ADGRL2: variants seen among roughly 807,000 people sequenced by gnomAD.
The protein encoded by ADGRL2 is adhesion G protein-coupled receptor L2.
Under a neutral mutation model 157.4 loss-of-function variants are expected in ADGRL2, and 44 were observed. The ratio of observed to expected loss-of-function variants is 0.28; its 90% confidence interval spans 0.22 to 0.36. The LOEUF (loss-of-function observed/expected upper bound fraction) is 0.36. ADGRL2 is among the 10% of genes least tolerant of loss of function. The pLI is 1.00. For synonymous variants in ADGRL2, 585 were observed against 624.7 expected (o/e 0.94, Z 0.95); for missense variants, 1,510 against 1,768.9 (o/e 0.85, Z 2.63).
intron 2 of ADGRL2, among the ~76,000 whole-genome samples, chr1:81,538,280 T>A (rs1202929787): frequency 6.6e-6 from 1 of 152,094 alleles, no homozygotes; most frequent in Admixed American, 6.5e-5. Flanking sequence ...ATAGTTTGGA[T>A]AGGCAGGGTT....
intron 1 of ADGRL2, among the ~76,000 whole-genome samples, chr1:81,383,662 T>TAA (rs530939816): frequency 1.2e-4 from 17 of 142,010 alleles, no homozygotes; most frequent in South Asian, 2.3e-4. Flanking sequence ...ACTACTAGTT[T>TAA]AAAAAAAAAA....
chr1:81,873,690 A>T (rs568088162), intron 2 of ADGRL2, among the ~76,000 whole-genome samples: 1 of 152,224 alleles, frequency 6.6e-6, no homozygotes, highest in South Asian at 2.1e-4. Context: ...TGGATAGTAT[A>T]TTCTATGAAT....
At chr1:81,848,926 C>T (rs189573098) in intron 2 of ADGRL2, among the ~76,000 whole-genome samples, 1 of 152,062 alleles carries the variant, frequency 6.6e-6, no homozygotes, top group African/African-American at 2.4e-5. Context: ...AGGCATGCTC[C>T]TCCTGAGCCC....
At chr1:81,748,698 C>G (rs1191987143) in intron 1 of ADGRL2, among the ~76,000 whole-genome samples, 4 of 151,598 alleles carry the variant, frequency 2.6e-5, no homozygotes, top group Non-Finnish European at 5.9e-5. Context: ...GATGAAGTCT[C>G]ACTCTGTCAC....
intron 3 of ADGRL2, among the ~76,000 whole-genome samples, chr1:81,918,410 G>T (rs1354128871): frequency 6.6e-6 from 1 of 151,930 alleles, no homozygotes; most frequent in Non-Finnish European, 1.5e-5. Context: ...ATAACATTAA[G>T]GGACATTTGG....
At chr1:81,480,936 C>CT (rs1249492835) in intron 2 of ADGRL2, among the ~76,000 whole-genome samples, 6 of 152,230 alleles carry the variant, frequency 3.9e-5, no homozygotes, top group African/African-American at 1.4e-4. Context: ...TCCTGAACGT[C>CT]TGTATCCTTT....
At chr1:81,419,939 T>C (rs10874240) in intron 1 of ADGRL2, among the ~76,000 whole-genome samples, 72,004 of 152,076 alleles carry the variant, frequency 0.47, 17,603 homozygotes, top group Non-Finnish European at 0.54. Flanking sequence ...CTACTGTAAT[T>C]AGTCAAAGGA....
chr1:81,586,579 T>C (rs2148567283), intron 3 of ADGRL2, among the ~76,000 whole-genome samples: 1 of 152,210 alleles, frequency 6.6e-6, no homozygotes, highest in Admixed American at 6.6e-5. Flanking sequence ...TTAGGTGAGA[T>C]TCACAACCCA....
intron 1 of ADGRL2, among the ~76,000 whole-genome samples, chr1:81,806,668 C>G (rs1284601913): frequency 1.3e-5 from 2 of 151,900 alleles, no homozygotes; most frequent in Non-Finnish European, 2.9e-5. Context: ...AAATAACACT[C>G]AGTTTATTGA....
At chr1:81,324,568 T>C (rs1660758911) in intron 1 of ADGRL2, among the ~76,000 whole-genome samples, 1 of 149,522 alleles carries the variant, frequency 6.7e-6, no homozygotes, top group Non-Finnish European at 1.5e-5. Flanking sequence ...AAGTTATATA[T>C]AAATTATATA....
In ADGRL2 at chr1:81,993,087, A is replaced by ATTTTTTT. The variant is rs71085382; in HGVS notation, c.*1968_*1974dup. 3.4e-4 allele frequency among the ~76,000 whole-genome samples: 10 copies of ATTTTTTT among 29,200 alleles called. No homozygotes were observed. Among genetic ancestry groups the ATTTTTTT allele is most frequent in the Non-Finnish European group, 4.4e-4 (8 of 18,336 alleles). 19.2% of individuals were successfully genotyped at this position (29,200 alleles called of 152,430 possible). On this transcript the variant is annotated 3_prime_UTR_variant, in exon 24 of 24. Transcript: ENST00000686636. ...TATATATATATATATATATATATAT[A>ATTTTTTT]TTTTTTTTTTTTTTTTTTTTTTTTT... is the stretch of plus-strand genomic sequence containing the variant.
At chr1:81,366,445 A>G (rs916032738) in intron 1 of ADGRL2, among the ~76,000 whole-genome samples, 9 of 152,214 alleles carry the variant, frequency 5.9e-5, no homozygotes, top group African/African-American at 2.2e-4. Context: ...AAAACAAAGA[A>G]CTGTAAAATT....
At position 81,358,129 on chromosome 1, in the gene ADGRL2, C is replaced by T. The variant is rs186429511; in HGVS notation, c.-302+51620C>T. Reference sequence around the variant, plus strand: ...AGCGTGAAAATTAGACCTCTAATTCCCTTGTCAACATAATTTGTTTTAAAA... The same window carrying T: ...AGCGTGAAAATTAGACCTCTAATTCTCTTGTCAACATAATTTGTTTTAAAA... On this transcript the variant is annotated intron_variant, in intron 1 of 24. Transcript: ENST00000370721. 2.2e-3 allele frequency among the ~76,000 whole-genome samples: 330 copies of T among 152,184 alleles called. 1 individual carries two copies. The highest frequency in any genetic ancestry group is 3.5e-3 in the Non-Finnish European group (237 of 68,002).
At chr1:81,448,740 G>A (rs1006966859) in intron 2 of ADGRL2, among the ~76,000 whole-genome samples, 2 of 151,606 alleles carry the variant, frequency 1.3e-5, no homozygotes, top group African/African-American at 4.9e-5. Flanking sequence ...TTTTAAATTG[G>A]ACCCTCCTCA....
chr1:81,510,914 G>T (rs905439771), intron 2 of ADGRL2, among the ~76,000 whole-genome samples: 1 of 152,106 alleles, frequency 6.6e-6, no homozygotes, highest in South Asian at 2.1e-4. Flanking sequence ...AGTTCGCACA[G>T]GTTTTCACAA....
At chr1:81,760,720 A>G (rs1450070800) in intron 1 of ADGRL2, among the ~76,000 whole-genome samples, 5 of 106,630 alleles carry the variant, frequency 4.7e-5, no homozygotes, top group Non-Finnish European at 9.0e-5. Context: ...GCTTAAAAAT[A>G]CTTTTTTTTT....
At chr1:81,429,839 C>T (rs2077287050) in intron 1 of ADGRL2, among the ~76,000 whole-genome samples, 1 of 152,160 alleles carries the variant, frequency 6.6e-6, no homozygotes, top group South Asian at 2.1e-4. Flanking sequence ...ATGGGAAGCC[C>T]ATGACCTCAT....
chr1:81,762,420 A>C (rs544554352), intron 2 of ADGRL2, among the ~76,000 whole-genome samples: 19 of 152,172 alleles, frequency 1.2e-4, no homozygotes, highest in Non-Finnish European at 2.5e-4. Flanking sequence ...TATTTTTATG[A>C]CTTAAACAGG....
Position 81,991,143 on chromosome 1 carries a change from T to C in ADGRL2, c.4408T>C (p.Ter1470GlnextTer4). 6.3e-7 allele frequency: 1 copy of C among 1,599,068 alleles called. No individual in the cohort carries two copies. Among genetic ancestry groups the C allele is most frequent in the Non-Finnish European group, 8.5e-7 (1 of 1,170,104 alleles). Residue 1470 changes from the stop codon to glutamine (Q), a stop_lost, in exon 24 of 24, where the codon TAA becomes CAA. Transcript: ENST00000686636. ...EGQMQLVTSL* is the reference protein window; with the variant it reads ...EGQMQLVTSLQ ...ACAAATGCAGCTGGTTACAAGTCTT[T>C]AATCATACAGCTAAGGAATTCCAAG... is the stretch of plus-strand genomic sequence containing the variant.
Sources: allele counts gnomAD v4.1 joint callset (sites outside exome capture counted in the v4.1 genomes callset), GRCh38; gene constraint gnomAD v4.1.1; transcripts MANE v1.5; gene names NCBI Gene and HGNC (gene_info 2026-07-23, HGNC 2026-07-21).